GSPT1: variants seen among roughly 807,000 people sequenced by gnomAD.
GSPT1 encodes eukaryotic peptide chain release factor GTP-binding subunit ERF3A.
In GSPT1, 20 loss-of-function variants were observed where a neutral mutation model predicts 72.5. That is an observed-to-expected ratio of 0.28 (90% confidence interval 0.19 to 0.40). GSPT1 has a LOEUF of 0.40. Ranked by LOEUF, GSPT1 falls within the 10% of genes least tolerant of loss-of-function variation. GSPT1 has a pLI of 1.00. For missense variants in GSPT1, 580 were observed against 811.9 expected, an observed-to-expected ratio of 0.71 and a Z score of 3.47; for synonymous variants, 334 against 293.5, an observed-to-expected ratio of 1.14 and a Z score of -1.41.
chr16:11,906,399 G>A (rs2054490450), intron 1 of GSPT1, among the ~76,000 whole-genome samples: 1 of 152,186 alleles, frequency 6.6e-6, no homozygotes, highest in Non-Finnish European at 1.5e-5. Context: ...GGGAGGCCAA[G>A]CTAAGAGGGT....
intron 1 of GSPT1, among the ~76,000 whole-genome samples, chr16:11,902,994 CGT>C (rs2054434922): frequency 6.6e-6 from 1 of 151,826 alleles, no homozygotes; most frequent in South Asian, 2.1e-4. Flanking sequence ...TGGGATTACA[CGT>C]GTGAGCCACC....
At chr16:11,909,396 A>T (rs1038925120) in intron 1 of GSPT1, among the ~76,000 whole-genome samples, 5 of 152,152 alleles carry the variant, frequency 3.3e-5, no homozygotes, top group Admixed American at 6.5e-5. Flanking sequence ...ACAGCTAAAA[A>T]CTGTCAGTTT....
intron 7 of GSPT1, 155 bp from the exon 8 acceptor site, chr16:11,887,086 T>C (rs1187276828): frequency 3.4e-6 from 2 of 586,594 alleles, no homozygotes; most frequent in Admixed American, 3.5e-5. Context: ...CTTTTGAATG[T>C]CACAAATCAA....
intron 10 of GSPT1, among the ~76,000 whole-genome samples, chr16:11,883,410 T>G (rs1198440331): frequency 3.0e-5 from 4 of 133,792 alleles, no homozygotes; most frequent in Non-Finnish European, 6.1e-5. Flanking sequence ...GGTCAGGAGT[T>G]GGAGACCAGC....
chr16:11,906,091 T>C (rs1247777049), intron 1 of GSPT1, among the ~76,000 whole-genome samples: 1 of 152,196 alleles, frequency 6.6e-6, no homozygotes, highest in South Asian at 2.1e-4. Context: ...ACTTTTCTTT[T>C]TTCTTTTTGA....
At chr16:11,892,524 A>AAT (rs1567443281) in intron 5 of GSPT1, among the ~76,000 whole-genome samples, 1 of 126,724 alleles carries the variant, frequency 7.9e-6, no homozygotes, top group Admixed American at 7.8e-5. Flanking sequence ...CAAAAAAAAC[A>AAT]AAAAAAACAA....
intron 1 of GSPT1, among the ~76,000 whole-genome samples, chr16:11,912,199 A>C (rs2054568724): frequency 6.6e-6 from 1 of 151,662 alleles, no homozygotes; most frequent in South Asian, 2.1e-4. Flanking sequence ...CACACACAAA[A>C]TAGCTGGGCA....
chr16:11,916,120 C>G, upstream of GSPT1: 1 of 418,624 alleles, frequency 2.4e-6, no homozygotes. Context: ...CTACAAGTTC[C>G]GGCAGCGCCC....
intron 7 of GSPT1, 93 bp from the exon 8 acceptor site, chr16:11,887,024 T>TG (rs2054193534): frequency 2.2e-6 from 2 of 903,172 alleles, no homozygotes; most frequent in East Asian, 5.3e-5. Flanking sequence ...ATCACGAGTT[T>TG]TTTTTTTTTT....
At position 11,896,713 on chromosome 16, in the gene GSPT1, G is replaced by A. The variant is rs2141302117; in HGVS notation, c.509C>T (p.Pro170Leu). 2 of 1,606,794 alleles carry A rather than the reference G, an allele frequency of 1.2e-6. No individual in the cohort carries two copies. Among genetic ancestry groups the A allele is most frequent in the South Asian group, 1.1e-5 (1 of 89,520 alleles). The part of the protein sequence containing the change: ...EHKEEISEAE[P>L]GGGSLGDGRP... ...TCCATCTCCCAAGGAACCACCCCCT[G>A]GCTCTGCTTCACTTATTTCTTCTTT... is the stretch of plus-strand genomic sequence containing the variant. Residue 170 changes from proline (P) to leucine (L), a missense_variant, in exon 4 of 15, where the codon CCA becomes CTA. By Grantham distance (98) the Pro-to-Leu change is moderately conservative (BLOSUM62 -3). This residue lies in a region of GSPT1 where 327 missense variants were observed against 298.8 expected (regional missense o/e 1.09). Transcript: ENST00000434724.
intron 5 of GSPT1, among the ~76,000 whole-genome samples, chr16:11,892,527 A>AAAAAC (rs2054278756): frequency 1.4e-5 from 2 of 144,344 alleles, no homozygotes; most frequent in Non-Finnish European, 3.0e-5. Flanking sequence ...AAAAAACAAA[A>AAAAAC]AAAACAAAAA....
Position 11,915,702 on chromosome 16 carries a change from CG to C in GSPT1, c.18del (p.Gly7AlafsTer140). The C allele has an allele frequency of 1.3e-6, 2 of 1,494,448 alleles. No homozygotes were observed. Among genetic ancestry groups the C allele is most frequent in the Non-Finnish European group, 1.8e-6 (2 of 1,131,116 alleles). The allele number at this position is 1,494,448 out of a possible 1,614,324, so 92.6% of individuals were successfully genotyped here. A position where few individuals can be genotyped will look rare whatever the true frequency, so the allele number is the denominator to read the frequency against. On this transcript the variant is annotated frameshift_variant, in exon 1 of 15. Coordinates refer to ENST00000434724, the MANE Select transcript of GSPT1 (RefSeq NM_002094.4). LOFTEE classifies it high-confidence loss of function. ...CCGCCGCCGCCGCCGCCGCCGCCGC[CG>C]CCACTGCCCGGATCCATGATCGGGG... MDPGS[G>X]GGGGGGGGGG...
Position 11,887,999 on chromosome 16 carries a change from C to T in GSPT1, c.777-249G>A, listed in dbSNP as rs963644768. Among the ~76,000 whole-genome samples, 5 of 151,710 alleles carry T rather than the reference C, an allele frequency of 3.3e-5. No individual in the cohort carries two copies. The East Asian group carries it at 5.8e-4, about 18-fold the overall frequency. ...CAACATGGTGAAGCCCTGTCTCTACCGAAAATACAAAAATTAGCTGGGTGT... is the reference window on the plus strand; with the variant it reads ...CAACATGGTGAAGCCCTGTCTCTACTGAAAATACAAAAATTAGCTGGGTGT... On this transcript the variant is annotated intron_variant, in intron 6 of 14. Transcript: ENST00000434724.
chr16:11,891,243 GTTATT>G (rs1365684653), intron 5 of GSPT1, 104 bp from the exon 6 acceptor site: 2 of 528,286 alleles, frequency 3.8e-6, no homozygotes, highest in East Asian at 3.5e-5. Context: ...TCAGAAAATA[GTTATT>G]TTATATGTGT....
At position 11,877,767 on chromosome 16, in the gene GSPT1, C is replaced by T. The variant is rs2054066289; in HGVS notation, c.1429-187G>A. Among the ~76,000 whole-genome samples the T allele has an allele frequency of 6.6e-6, 1 of 152,162 alleles. No individual in the cohort carries two copies. The highest frequency in any genetic ancestry group is 6.6e-5 in the Admixed American group (1 of 15,260). On this transcript the variant is annotated intron_variant, in intron 11 of 14. Coordinates refer to ENST00000434724, the MANE Select transcript of GSPT1 (RefSeq NM_002094.4). This position sits in a 1 kb window ranked among gnomAD's most constrained non-coding sequence, Gnocchi z 4.0. ...AATCATATCCTAGAAGTATAACTGC[C>T]AATTAAAGTATTAACGTGTCACCTT... is the stretch of plus-strand genomic sequence containing the variant.
chr16:11,915,834 G>A lies in GSPT1; in HGVS notation c.-114C>T, dbSNP rs2054629857. On this transcript the variant is annotated 5_prime_UTR_variant, in exon 1 of 15. Coordinates refer to ENST00000434724, the MANE Select transcript of GSPT1 (RefSeq NM_002094.4). ...GGGAAGGCGGCGGGGCAGAAGGGCC[G>A]GGAGCTAGCGACAAAGATCCCCGGC... The A allele has an allele frequency of 1.3e-6, 2 of 1,496,628 alleles. No individual in the cohort carries two copies. The highest frequency in any genetic ancestry group is 1.4e-5 in the African/African-American group (1 of 72,214). The allele number at this position is 1,496,628 out of a possible 1,614,324, so 92.7% of individuals were successfully genotyped here.
intron 1 of GSPT1, among the ~76,000 whole-genome samples, chr16:11,909,919 A>G (rs1005824528): frequency 2.7e-5 from 4 of 150,130 alleles, no homozygotes; most frequent in Non-Finnish European, 5.9e-5. Flanking sequence ...GCGAAACTCC[A>G]TCTCAAAAAA....
chr16:11,894,347 G>A (rs927614941), intron 5 of GSPT1, among the ~76,000 whole-genome samples: 3 of 151,822 alleles, frequency 2.0e-5, no homozygotes, highest in Admixed American at 6.6e-5. Flanking sequence ...GGCCAGCCAC[G>A]GTCATTTCAT....
chr16:11,914,772 A>AG (rs1429359128), intron 1 of GSPT1, among the ~76,000 whole-genome samples: 4 of 152,252 alleles, frequency 2.6e-5, no homozygotes, highest in African/African-American at 9.6e-5. Context: ...AGGGTAAAAC[A>AG]GATCTTGGTA....
Sources: gnomAD v4.1 joint callset for allele counts (sites outside exome capture counted in the v4.1 genomes callset) on GRCh38, gnomAD v4.1.1 for gene constraint, gnomAD v4.1.1 regional missense constraint, Gnocchi (gnomAD v3.1) non-coding constraint, MANE v1.5 for transcripts, NCBI Gene and HGNC (gene_info 2026-07-23, HGNC 2026-07-21) for gene names.